Variants in LRRC4C observed in about 807,000 individuals in gnomAD.
LRRC4C encodes the protein leucine-rich repeat-containing protein 4C.
In LRRC4C, 5 loss-of-function variants were observed where a neutral mutation model predicts 33.6. The observed-to-expected ratio is 0.15, with a 90% CI of 0.08 to 0.31. The LOEUF (loss-of-function observed/expected upper bound fraction) is 0.31. LRRC4C is among the 10% of genes least tolerant of loss of function. The pLI is 1.00. For synonymous variants in LRRC4C, 329 were observed against 302.0 expected (o/e 1.09, Z -0.93); for missense variants, 560 against 796.7 (o/e 0.70, Z 3.58).
At chr11:41,296,124 A>G (rs10837625) in intron 1 of LRRC4C, among the ~76,000 whole-genome samples, 24,302 of 152,140 alleles carry the variant, frequency 0.16, 2,629 homozygotes, top group East Asian at 0.43. Context: ...ATATTTTACT[A>G]TGAATTGGCA....
intron 2 of LRRC4C, among the ~76,000 whole-genome samples, chr11:40,876,283 A>G (rs1428924461): frequency 7.6e-5 from 2 of 26,226 alleles, no homozygotes; most frequent in Admixed American, 4.0e-4. Context: ...TTTTTTTTTC[A>G]TTGGGGAGTA....
chr11:40,417,636 G>A (rs1311775956), intron 3 of LRRC4C, among the ~76,000 whole-genome samples: 2 of 152,020 alleles, frequency 1.3e-5, no homozygotes, highest in Non-Finnish European at 2.9e-5. Context: ...ACAAGCATGA[G>A]CCACCATGCC....
intron 2 of LRRC4C, among the ~76,000 whole-genome samples, chr11:40,697,922 G>T (rs1591492870): frequency 6.6e-6 from 1 of 151,906 alleles, no homozygotes; most frequent in African/African-American, 2.4e-5. Flanking sequence ...CAAAAAATTA[G>T]CCAGGCATGG....
chr11:41,064,683 T>C (rs1207259902), intron 1 of LRRC4C, among the ~76,000 whole-genome samples: 1 of 152,148 alleles, frequency 6.6e-6, no homozygotes, highest in African/African-American at 2.4e-5. Flanking sequence ...GCGAGACCAA[T>C]GCAGAAGGCG....
intron 3 of LRRC4C, among the ~76,000 whole-genome samples, chr11:40,508,980 G>A (rs1397764935): frequency 6.6e-6 from 1 of 152,136 alleles, no homozygotes; most frequent in African/African-American, 2.4e-5. Flanking sequence ...TTGTGGAGGA[G>A]TAAAATTGTT....
At chr11:40,239,498 T>C (rs1865789892) in intron 5 of LRRC4C, among the ~76,000 whole-genome samples, 1 of 152,222 alleles carries the variant, frequency 6.6e-6, no homozygotes, top group Non-Finnish European at 1.5e-5. Context: ...AATGTAAATG[T>C]GCAATATGTG....
At chr11:40,534,100 G>A (rs1242037134) in intron 3 of LRRC4C, among the ~76,000 whole-genome samples, 1 of 152,056 alleles carries the variant, frequency 6.6e-6, no homozygotes, top group Non-Finnish European at 1.5e-5. Context: ...TTCAGAAAGT[G>A]ACTTCCTGAG....
chr11:41,171,296 C>T (rs1235502135), intron 1 of LRRC4C, among the ~76,000 whole-genome samples: 1 of 152,278 alleles, frequency 6.6e-6, no homozygotes, highest in East Asian at 1.9e-4. Context: ...TTTAAAGACA[C>T]ACACACACAC....
At chr11:41,257,535 T>C (rs1430059162) in intron 1 of LRRC4C, among the ~76,000 whole-genome samples, 1 of 152,016 alleles carries the variant, frequency 6.6e-6, no homozygotes, top group African/African-American at 2.4e-5. Flanking sequence ...TCTGAAGAGA[T>C]TTGCAGAACA....
At chr11:40,548,027 A>G (rs1565493999) in intron 3 of LRRC4C, among the ~76,000 whole-genome samples, 2 of 152,114 alleles carry the variant, frequency 1.3e-5, no homozygotes, top group Non-Finnish European at 2.9e-5. Flanking sequence ...AGTGAAGTGA[A>G]TAGTATGTCA....
chr11:40,890,833 T>C (rs1435671597), intron 2 of LRRC4C, among the ~76,000 whole-genome samples: 1 of 151,656 alleles, frequency 6.6e-6, no homozygotes, highest in Non-Finnish European at 1.5e-5. Flanking sequence ...ATTGTTAAAA[T>C]AAGAGCAACA....
chr11:40,379,829 C>T (rs1026255708), intron 3 of LRRC4C, among the ~76,000 whole-genome samples: 1 of 152,162 alleles, frequency 6.6e-6, no homozygotes, highest in African/African-American at 2.4e-5. Flanking sequence ...GTTGTGGGCC[C>T]GCAGTATCAA....
intron 3 of LRRC4C, among the ~76,000 whole-genome samples, chr11:40,431,726 C>A (rs544086989): frequency 1.7e-4 from 26 of 152,220 alleles, no homozygotes; most frequent in South Asian, 6.2e-4. Context: ...ATAGCAATAC[C>A]AGCACCAGAT....
chr11:40,454,908 G>T (rs552294768), intron 3 of LRRC4C, among the ~76,000 whole-genome samples: 1 of 152,104 alleles, frequency 6.6e-6, no homozygotes, highest in Non-Finnish European at 1.5e-5. Flanking sequence ...GCTTACATGT[G>T]TTTCCTGCTT....
chr11:40,216,586 T>G (rs1432565144), intron 5 of LRRC4C, among the ~76,000 whole-genome samples: 2 of 151,872 alleles, frequency 1.3e-5, no homozygotes, highest in African/African-American at 4.8e-5. Context: ...AAGCGGAAAA[T>G]GGGAGACAGG....
intron 1 of LRRC4C, among the ~76,000 whole-genome samples, chr11:41,385,165 G>A (rs1953308607): frequency 6.6e-6 from 1 of 150,810 alleles, no homozygotes; most frequent in African/African-American, 2.4e-5. Context: ...GTGTCAATTG[G>A]GAGATTCTCT....
At chr11:40,679,684 C>A (rs1005249651) in intron 2 of LRRC4C, among the ~76,000 whole-genome samples, 2 of 152,178 alleles carry the variant, frequency 1.3e-5, no homozygotes, top group South Asian at 2.1e-4. Context: ...CCTGTGAGTA[C>A]ACAGAAGTCA....
At chr11:40,942,288 G>C (rs1428142766) in intron 1 of LRRC4C, among the ~76,000 whole-genome samples, 1 of 152,174 alleles carries the variant, frequency 6.6e-6, no homozygotes, top group Non-Finnish European at 1.5e-5. Context: ...TGGATCTTAA[G>C]AGCAGCTTCT....
intron 2 of LRRC4C, among the ~76,000 whole-genome samples, chr11:40,743,070 G>A (rs1469657639): frequency 1.3e-5 from 2 of 151,888 alleles, no homozygotes; most frequent in Non-Finnish European, 2.9e-5. Context: ...TAGATTCTTT[G>A]GTGAGAATTT....
Sources: gnomAD v4.1 joint callset for allele counts (sites outside exome capture counted in the v4.1 genomes callset) on GRCh38, gnomAD v4.1.1 for gene constraint, MANE v1.5 for transcripts, NCBI Gene and HGNC (gene_info 2026-07-23, HGNC 2026-07-21) for gene names.